The following GPD2 variants were observed in gnomAD, a reference collection of about 807,000 sequenced individuals.
The protein encoded by GPD2 is glycerol-3-phosphate dehydrogenase, mitochondrial.
A neutral mutation model predicts 82.4 loss-of-function variants in GPD2; 54 were observed. That is an observed-to-expected ratio of 0.66 (90% CI 0.53 to 0.82). The LOEUF is 0.82. Ranked by LOEUF, GPD2 falls within the 40% of genes least tolerant of loss-of-function variation. The pLI is 0.00. For synonymous variants in GPD2, 288 were observed against 306.1 expected (o/e 0.94, Z 0.62); for missense variants, 748 against 896.2 (o/e 0.83, Z 2.11).
At chr2:156,524,040 A>G (rs140014877) in intron 6 of GPD2, among the ~76,000 whole-genome samples, 320 of 152,328 alleles carry the variant, frequency 2.1e-3, no homozygotes, top group African/African-American at 7.5e-3. Context: ...TTACATGGAT[A>G]TATTATTGCT....
chr2:156,409,675 G>A, the GPD2 span, among the ~76,000 whole-genome samples: 10 of 152,190 alleles, frequency 6.6e-5, no homozygotes, highest in Non-Finnish European at 1.2e-4. Flanking sequence ...ACTCCAAACT[G>A]AATGACAGAG....
At chr2:156,420,907 A>G in the GPD2 span, among the ~76,000 whole-genome samples, 2 of 152,228 alleles carry the variant, frequency 1.3e-5, no homozygotes, top group Admixed American at 1.3e-4. Context: ...AGCCCAAATA[A>G]TGCTCCAAAA....
chr2:156,449,315 C>T (rs1479986991), intron 1 of GPD2, among the ~76,000 whole-genome samples: 3 of 152,022 alleles, frequency 2.0e-5, no homozygotes, highest in Non-Finnish European at 1.5e-5. Flanking sequence ...GTGCTAGAAA[C>T]CATTAGAGGA....
chr2:156,459,320 G>T (rs898663956), intron 1 of GPD2, among the ~76,000 whole-genome samples: 5 of 152,088 alleles, frequency 3.3e-5, no homozygotes, highest in Non-Finnish European at 4.4e-5. Context: ...CTACTGTCCG[G>T]TTTAGGTGGT....
At chr2:156,503,446 A>G (rs1434097294) in intron 3 of GPD2, among the ~76,000 whole-genome samples, 1 of 152,150 alleles carries the variant, frequency 6.6e-6, no homozygotes, top group Non-Finnish European at 1.5e-5. Flanking sequence ...AAATATATGC[A>G]TATATAATTT....
chr2:156,515,281 A>G (rs1371634141), intron 6 of GPD2, among the ~76,000 whole-genome samples: 2 of 151,938 alleles, frequency 1.3e-5, no homozygotes, highest in Non-Finnish European at 2.9e-5. Flanking sequence ...ATGCACTTGT[A>G]GTCCCAGCTA....
At chr2:156,451,671 C>G (rs1279691103) in intron 1 of GPD2, among the ~76,000 whole-genome samples, 1 of 141,620 alleles carries the variant, frequency 7.1e-6, no homozygotes, top group African/African-American at 2.6e-5. Flanking sequence ...ACCTCCCGGA[C>G]GGGGCAGCTG....
intron 1 of GPD2, among the ~76,000 whole-genome samples, chr2:156,449,856 CA>C (rs70987037): frequency 1.5e-4 from 13 of 83,986 alleles, no homozygotes; most frequent in African/African-American, 2.7e-4. Flanking sequence ...ACTAAATATA[CA>C]AAAAAAAAAA....
At chr2:156,402,584 A>G in the GPD2 span, among the ~76,000 whole-genome samples, 6 of 152,314 alleles carry the variant, frequency 3.9e-5, no homozygotes, top group Middle Eastern at 3.4e-3. Flanking sequence ...CTTCAGGGCC[A>G]TTGGCTGGTA....
the GPD2 span, among the ~76,000 whole-genome samples, chr2:156,415,156 C>CTTTTT: frequency 2.3e-4 from 26 of 114,584 alleles, no homozygotes; most frequent in Non-Finnish European, 3.7e-4. Flanking sequence ...TTGTATCATT[C>CTTTTT]TTTTTTTTTT....
the GPD2 span, among the ~76,000 whole-genome samples, chr2:156,420,910 C>A: frequency 6.6e-6 from 1 of 152,280 alleles, no homozygotes; most frequent in Non-Finnish European, 1.5e-5. Context: ...CCAAATAATG[C>A]TCCAAAAAAC....
chr2:156,563,612 G>T (rs936386988), intron 9 of GPD2, among the ~76,000 whole-genome samples: 9 of 152,152 alleles, frequency 5.9e-5, no homozygotes, highest in African/African-American at 2.2e-4. Context: ...AGCTTGAAAT[G>T]GTACATATTG....
At chr2:156,431,368 T>C (rs1688314863), upstream of GPD2, among the ~76,000 whole-genome samples, 1 of 152,242 alleles carries the variant, frequency 6.6e-6, no homozygotes. Context: ...TAACCCCACT[T>C]AGTCTTCCTA....
intron 15 of GPD2, among the ~76,000 whole-genome samples, chr2:156,579,367 C>T (rs1294214781): frequency 6.8e-6 from 1 of 146,118 alleles, no homozygotes; most frequent in Non-Finnish European, 1.5e-5. Flanking sequence ...CACTCTGTTG[C>T]CCAGGATGGT....
chr2:156,425,089 A>ATTTTTTTTTTTTTTTTT, the GPD2 span, among the ~76,000 whole-genome samples: 1 of 148,730 alleles, frequency 6.7e-6, no homozygotes, highest in African/African-American at 2.5e-5. Flanking sequence ...TATTCATTTT[A>ATTTTTTTTTTTTTTTTT]TTTTTTTTTT....
intron 2 of GPD2, among the ~76,000 whole-genome samples, chr2:156,476,983 A>G (rs948011308): frequency 2.6e-5 from 4 of 152,176 alleles, no homozygotes; most frequent in Non-Finnish European, 5.9e-5. Flanking sequence ...TTGGCAAACA[A>G]TTTGTAACTG....
At chr2:156,425,084 A>ATTT in the GPD2 span, among the ~76,000 whole-genome samples, 1 of 37,988 alleles carries the variant, frequency 2.6e-5, no homozygotes, top group Non-Finnish European at 9.6e-5. Flanking sequence ...ATTTATATTC[A>ATTT]TTTTATTTTT....
At chr2:156,467,478 TTTG>T (rs1683189265) in intron 1 of GPD2, among the ~76,000 whole-genome samples, 1 of 152,220 alleles carries the variant, frequency 6.6e-6, no homozygotes, top group Admixed American at 6.5e-5. Flanking sequence ...GAAAAGCCTT[TTTG>T]TTTGTTGTTT....
the GPD2 span, among the ~76,000 whole-genome samples, chr2:156,419,346 A>C: frequency 6.6e-6 from 1 of 152,204 alleles, no homozygotes; most frequent in African/African-American, 2.4e-5. Flanking sequence ...GGCGTGAGCC[A>C]CCACGCCCAG....
Sources: allele counts gnomAD v4.1 joint callset (sites outside exome capture counted in the v4.1 genomes callset), GRCh38; gene constraint gnomAD v4.1.1; transcripts MANE v1.5; gene names NCBI Gene and HGNC (gene_info 2026-07-23, HGNC 2026-07-21).